Variants in LINGO2 observed in about 807,000 individuals in gnomAD.
LINGO2 encodes the protein leucine rich repeat and Ig domain containing 2.
A neutral mutation model predicts 30.6 loss-of-function variants in LINGO2; 14 were observed. The observed-to-expected ratio is 0.46, with a 90% CI of 0.30 to 0.72. The LOEUF (loss-of-function observed/expected upper bound fraction) is 0.72, where lower values mean the gene tolerates loss of function less well. LINGO2 is among the 30% of genes least tolerant of loss of function. The probability of loss-of-function intolerance (pLI) is 0.07; values close to 1 mark genes in which losing one functional copy is unlikely to be tolerated. For missense variants in LINGO2, 729 were observed against 751.7 expected, an observed-to-expected ratio of 0.97 and a Z score of 0.35; for synonymous variants, 317 against 288.5, an observed-to-expected ratio of 1.10 and a Z score of -1.00.
intron 1 of LINGO2, among the ~76,000 whole-genome samples, chr9:28,560,636 T>G (rs1055799710): frequency 1.4e-4 from 21 of 151,992 alleles, no homozygotes; most frequent in Non-Finnish European, 2.4e-4. Flanking sequence ...TATGCCACAC[T>G]GTTTGGCGTT....
chr9:28,659,497 G>C (rs1283380167), intron 1 of LINGO2, among the ~76,000 whole-genome samples: 1 of 151,466 alleles, frequency 6.6e-6, no homozygotes. Flanking sequence ...ACTCAGGCTG[G>C]AGTGCAATGA....
At chr9:28,932,722 C>T in the LINGO2 span, among the ~76,000 whole-genome samples, 2 of 152,090 alleles carry the variant, frequency 1.3e-5, no homozygotes, top group African/African-American at 4.8e-5. Context: ...ATCTCCTCCC[C>T]TTTCCTCCTA....
intron 1 of LINGO2, among the ~76,000 whole-genome samples, chr9:28,493,695 G>A (rs546414233): frequency 1.4e-4 from 21 of 152,306 alleles, no homozygotes; most frequent in Admixed American, 1.1e-3. Flanking sequence ...TGTTGTCTGT[G>A]AGGGTGTTGC....
At chr9:28,773,282 G>A in the LINGO2 span, among the ~76,000 whole-genome samples, 3 of 151,140 alleles carry the variant, frequency 2.0e-5, no homozygotes, top group Non-Finnish European at 2.9e-5. Context: ...GGAGAATGGC[G>A]TGAACCCAGG....
intron 1 of LINGO2, among the ~76,000 whole-genome samples, chr9:28,661,823 T>C (rs1828595162): frequency 6.6e-6 from 1 of 152,162 alleles, no homozygotes; most frequent in African/African-American, 2.4e-5. Context: ...ATTTTCCTTC[T>C]TTCAATTTGT....
intron 4 of LINGO2, among the ~76,000 whole-genome samples, chr9:28,076,606 A>T (rs1049906430): frequency 5.3e-5 from 8 of 151,758 alleles, no homozygotes; most frequent in African/African-American, 1.9e-4. Context: ...ATTTTCTCTG[A>T]TGTCAATTAT....
the LINGO2 span, among the ~76,000 whole-genome samples, chr9:28,752,862 G>A: frequency 6.6e-6 from 1 of 151,828 alleles, no homozygotes. Context: ...CTGCCTCTGG[G>A]GCCAAGGTCA....
chr9:28,086,956 T>A (rs1267101874), intron 4 of LINGO2, among the ~76,000 whole-genome samples: 1 of 152,034 alleles, frequency 6.6e-6, no homozygotes, highest in East Asian at 1.9e-4. Flanking sequence ...ATGACAAGAG[T>A]CTATTTTTCC....
At chr9:28,011,241 T>C (rs769445374) in intron 5 of LINGO2, among the ~76,000 whole-genome samples, 1 of 152,120 alleles carries the variant, frequency 6.6e-6, no homozygotes, top group Non-Finnish European at 1.5e-5. Flanking sequence ...ACACAAAAAA[T>C]TGCTGGCACC....
chr9:28,919,899 T>A, the LINGO2 span, among the ~76,000 whole-genome samples: 8 of 152,200 alleles, frequency 5.3e-5, no homozygotes, highest in Admixed American at 2.0e-4. Flanking sequence ...CACGCTATAA[T>A]GTAATTTGTA....
chr9:28,432,625 G>A (rs1823723705), intron 2 of LINGO2, among the ~76,000 whole-genome samples: 1 of 151,992 alleles, frequency 6.6e-6, no homozygotes. Context: ...CAGCTTCAGG[G>A]CTAATAAAGG....
the LINGO2 span, among the ~76,000 whole-genome samples, chr9:28,791,592 T>C: frequency 6.6e-6 from 1 of 152,030 alleles, no homozygotes; most frequent in Non-Finnish European, 1.5e-5. Flanking sequence ...TGAATATATC[T>C]TATCCTAAGA....
chr9:28,538,948 A>G (rs907915624), intron 1 of LINGO2, among the ~76,000 whole-genome samples: 3 of 152,152 alleles, frequency 2.0e-5, no homozygotes, highest in East Asian at 1.9e-4. Flanking sequence ...ATAGAAAAAA[A>G]TAAAATAAAA....
At chr9:28,045,028 C>T (rs951150938) in intron 4 of LINGO2, among the ~76,000 whole-genome samples, 2 of 151,770 alleles carry the variant, frequency 1.3e-5, no homozygotes, top group Non-Finnish European at 2.9e-5. Context: ...CCCAGGGGAG[C>T]GAGTGTGGGG....
At chr9:29,140,376 TG>T in the LINGO2 span, among the ~76,000 whole-genome samples, 2 of 151,698 alleles carry the variant, frequency 1.3e-5, no homozygotes, top group African/African-American at 4.8e-5. Context: ...ATTTTGGAGC[TG>T]AAGAATAAAA....
chr9:28,265,422 C>T (rs1001285384), intron 4 of LINGO2, among the ~76,000 whole-genome samples: 3 of 151,878 alleles, frequency 2.0e-5, no homozygotes, highest in African/African-American at 7.3e-5. Context: ...TGATTCTAAA[C>T]TAGATTTGGT....
the LINGO2 span, among the ~76,000 whole-genome samples, chr9:28,798,130 T>G: frequency 3.9e-5 from 6 of 152,162 alleles, no homozygotes; most frequent in Admixed American, 3.3e-4. Context: ...ACAGTAAGTA[T>G]AGATGATTAT....
intron 2 of LINGO2, among the ~76,000 whole-genome samples, chr9:28,400,344 G>T (rs1169108003): frequency 6.6e-6 from 1 of 152,110 alleles, no homozygotes; most frequent in African/African-American, 2.4e-5. Flanking sequence ...ACTGGCCTGT[G>T]AGAGTCAATT....
the LINGO2 span, among the ~76,000 whole-genome samples, chr9:29,153,091 T>G: frequency 6.6e-6 from 1 of 152,124 alleles, no homozygotes; most frequent in Non-Finnish European, 1.5e-5. Flanking sequence ...AATTAATGAA[T>G]AGATTAAGTT....
Sources: gnomAD v4.1 joint callset for allele counts (sites outside exome capture counted in the v4.1 genomes callset) on GRCh38, gnomAD v4.1.1 for gene constraint, MANE v1.5 for transcripts, NCBI Gene and HGNC (gene_info 2026-07-23, HGNC 2026-07-21) for gene names.